The following MCC variants were observed in gnomAD, a reference collection of about 807,000 sequenced individuals.
MCC encodes the protein colorectal mutant cancer protein.
A neutral mutation model predicts 116.2 loss-of-function variants in MCC; 90 were observed. That is an observed-to-expected ratio of 0.77 (90% CI 0.65 to 0.92). The LOEUF (loss-of-function observed/expected upper bound fraction) is 0.92, where lower values mean the gene tolerates loss of function less well. MCC is among the 40% of genes least tolerant of loss of function. The pLI is 0.00. For missense variants in MCC, 1,516 were observed against 1,312.2 expected (o/e 1.16, Z -2.40); for synonymous variants, 578 against 510.5 (o/e 1.13, Z -1.78).
At chr5:113,187,580 C>A (rs1166978239) in intron 3 of MCC, among the ~76,000 whole-genome samples, 1 of 151,844 alleles carries the variant, frequency 6.6e-6, no homozygotes, top group African/African-American at 2.4e-5. Context: ...ACTGTGAAAC[C>A]CCGTCTCTAC....
intron 2 of MCC, among the ~76,000 whole-genome samples, chr5:113,384,465 G>A (rs1304396838): frequency 6.6e-6 from 1 of 152,082 alleles, no homozygotes; most frequent in Non-Finnish European, 1.5e-5. Context: ...GCAGGTGCCT[G>A]TAGTCCCAGC....
intron 3 of MCC, among the ~76,000 whole-genome samples, chr5:113,299,769 G>A (rs140155604): frequency 6.6e-6 from 1 of 152,358 alleles, no homozygotes; most frequent in East Asian, 1.9e-4. Flanking sequence ...AAGCTCCTAT[G>A]GAGAGGTGTG....
At chr5:113,145,799 CACACACAA>C (rs1759481652) in intron 4 of MCC, among the ~76,000 whole-genome samples, 1 of 94,110 alleles carries the variant, frequency 1.1e-5, no homozygotes, top group African/African-American at 4.9e-5. Flanking sequence ...CACACACACA[CACACACAA>C]AAGACCCTGT....
chr5:113,226,235 GA>G (rs1246044285), intron 3 of MCC, among the ~76,000 whole-genome samples: 2 of 152,262 alleles, frequency 1.3e-5, no homozygotes. Flanking sequence ...TTCTGGAGAG[GA>G]AAAAAAGTTT....
At chr5:113,192,539 T>A (rs76824585) in intron 3 of MCC, among the ~76,000 whole-genome samples, 1 of 152,236 alleles carries the variant, frequency 6.6e-6, no homozygotes, top group Non-Finnish European at 1.5e-5. Context: ...AAGACACACA[T>A]GCATGGGCTT....
At position 113,294,390 on chromosome 5, in the gene MCC, C is replaced by G. The variant is rs142267892; in HGVS notation, c.627+46129G>C. The G allele has an allele frequency of 2.0e-5, 33 of 1,612,954 alleles. No homozygotes were observed. The East Asian group carries it at 7.1e-4, about 35-fold the overall frequency. On this transcript the variant is annotated intron_variant, in intron 3 of 18. Transcript: ENST00000408903. ...CATGGCAACTCCGGAATTCATGATGCACTTTTCAGAGCTGGGCTCTCAGTC... is the reference window on the plus strand; with the variant it reads ...CATGGCAACTCCGGAATTCATGATGGACTTTTCAGAGCTGGGCTCTCAGTC...
chr5:113,175,439 G>C (rs755735445), intron 3 of MCC, among the ~76,000 whole-genome samples: 4 of 152,074 alleles, frequency 2.6e-5, no homozygotes, highest in Non-Finnish European at 5.9e-5. Flanking sequence ...TCAACATTTG[G>C]GTATATTCCA....
intron 5 of MCC, among the ~76,000 whole-genome samples, chr5:113,133,987 C>T (rs1342316263): frequency 6.6e-6 from 1 of 152,188 alleles, no homozygotes; most frequent in African/African-American, 2.4e-5. Context: ...ATATTCCTTG[C>T]CAATGGACAG....
At chr5:113,170,425 T>C (rs941125331) in intron 3 of MCC, among the ~76,000 whole-genome samples, 2 of 152,120 alleles carry the variant, frequency 1.3e-5, no homozygotes, top group South Asian at 2.1e-4. Context: ...CACAACTGCA[T>C]GAATGGTGAG....
chr5:113,164,852 G>C (rs1047041065), intron 3 of MCC, among the ~76,000 whole-genome samples: 6 of 152,188 alleles, frequency 3.9e-5, no homozygotes, highest in Non-Finnish European at 5.9e-5. Flanking sequence ...GCTCAAATTG[G>C]AAAGGCCATT....
chr5:113,377,237 C>A (rs758189039), intron 2 of MCC, among the ~76,000 whole-genome samples: 1 of 151,956 alleles, frequency 6.6e-6, no homozygotes, highest in African/African-American at 2.4e-5. Flanking sequence ...CTGCTTGTCA[C>A]CAAAAAGCCC....
chr5:113,086,032 A>C (rs1049612825), intron 8 of MCC, among the ~76,000 whole-genome samples: 1 of 152,172 alleles, frequency 6.6e-6, no homozygotes, highest in Non-Finnish European at 1.5e-5. Context: ...TTTCAGCCCC[A>C]CTTGCCTGAC....
At chr5:113,264,058 C>T (rs1046214081) in intron 3 of MCC, among the ~76,000 whole-genome samples, 6 of 152,110 alleles carry the variant, frequency 3.9e-5, no homozygotes, top group African/African-American at 1.2e-4. Context: ...AAAAGAGGCA[C>T]TTTGCTCTTT....
intron 3 of MCC, among the ~76,000 whole-genome samples, chr5:113,285,476 GTTTTCTTGGACCTCATCTCCTTCCACTC>G (rs1766216288): frequency 6.6e-6 from 1 of 151,700 alleles, no homozygotes; most frequent in Non-Finnish European, 1.5e-5. Flanking sequence ...GGCCAGAACT[GTTTTCTTGGACCTCATCTCCTTCCACTC>G]TCCCCCTGCT....
intron 4 of MCC, among the ~76,000 whole-genome samples, chr5:113,146,759 C>T (rs141055908): frequency 6.6e-6 from 1 of 152,170 alleles, no homozygotes; most frequent in East Asian, 1.9e-4. Flanking sequence ...GACAGAGACA[C>T]CCCATACAAT....
rs369038615 is a variant in MCC, at chr5:113,088,988, A to G, written c.1399-3678T>C. On this transcript the variant is annotated intron_variant, in intron 8 of 18. Coordinates refer to ENST00000408903, the MANE Select transcript of MCC (RefSeq NM_001085377.2). ...AATTATGTTTCTCTCTACAAAATATATATTTTGGAGTCAAGAGATAGCCAA... is the reference window on the plus strand; with the variant it reads ...AATTATGTTTCTCTCTACAAAATATGTATTTTGGAGTCAAGAGATAGCCAA... Among the ~76,000 whole-genome samples the G allele has an allele frequency of 5.3e-5, 8 of 152,118 alleles. No individual in the cohort carries two copies. The East Asian group carries it at 7.7e-4, about 15-fold the overall frequency.
chr5:113,216,525 C>G (rs602641), intron 3 of MCC, among the ~76,000 whole-genome samples: 29,158 of 152,150 alleles, frequency 0.19, 3,308 homozygotes, highest in Middle Eastern at 0.27. Flanking sequence ...AGGCCCATGT[C>G]TTACAGACAT....
intron 16 of MCC, among the ~76,000 whole-genome samples, chr5:113,047,775 T>C (rs952296765): frequency 9.9e-5 from 15 of 151,180 alleles, no homozygotes; most frequent in South Asian, 4.2e-4. Flanking sequence ...GTTGTTTTTT[T>C]CCCAACACAG....
intron 1 of MCC, 72 bp from the exon 2 acceptor site, chr5:113,385,284 A>G (rs145032612): frequency 2.7e-6 from 4 of 1,458,398 alleles, no homozygotes; most frequent in East Asian, 2.3e-5. Flanking sequence ...GTTAATGAAA[A>G]AAAAAAGGTA....
Sources: gnomAD v4.1 joint callset for allele counts (sites outside exome capture counted in the v4.1 genomes callset) on GRCh38, gnomAD v4.1.1 for gene constraint, MANE v1.5 for transcripts, NCBI Gene and HGNC (gene_info 2026-07-23, HGNC 2026-07-21) for gene names.